Variants in STX7 observed in about 807,000 individuals in gnomAD.
STX7 encodes syntaxin-7.
STX7 carries 34 observed loss-of-function variants against 39.6 expected under a neutral mutation model. That is an observed-to-expected ratio of 0.86 (90% CI 0.65 to 1.14). The LOEUF is 1.14. STX7 is among the 50% of genes most tolerant of loss of function. The pLI, the probability that STX7 is intolerant of heterozygous loss-of-function variation, is 0.00. For synonymous variants in STX7, 119 were observed against 99.1 expected, an observed-to-expected ratio of 1.20 and a Z score of -1.19; for missense variants, 284 against 310.4, an observed-to-expected ratio of 0.92 and a Z score of 0.64.
intron 6 of STX7, among the ~76,000 whole-genome samples, 175 bp downstream of exon 6, chr6:132,470,399 T>C (rs1774684357): frequency 6.6e-6 from 1 of 152,092 alleles, no homozygotes; most frequent in Non-Finnish European, 1.5e-5. Flanking sequence ...TATTTTGTAA[T>C]AAATACTTTA....
chr6:132,460,714 C>A lies in STX7; in HGVS notation c.*44G>T. 1 of 1,364,490 alleles carries A rather than the reference C, an allele frequency of 7.3e-7. No homozygotes were observed. Among genetic ancestry groups the A allele is most frequent in the South Asian group, 1.3e-5 (1 of 79,376 alleles). The allele number at this position is 1,364,490 out of a possible 1,614,324, so 84.5% of individuals were successfully genotyped here. ...AAACATGATTACAGGAATCTTCCTACATAATTTAGACAATGTAGTGCGACA... is the reference window on the plus strand; with the variant it reads ...AAACATGATTACAGGAATCTTCCTAAATAATTTAGACAATGTAGTGCGACA... On this transcript the variant is annotated 3_prime_UTR_variant, in exon 10 of 10. Coordinates refer to ENST00000367941, the MANE Select transcript of STX7 (RefSeq NM_003569.3).
rs906428202 is a variant in STX7, at chr6:132,449,981, G to A, written c.*10777C>T. 2.6e-5 allele frequency: 4 copies of A among 152,102 alleles called. No homozygotes were observed. Among genetic ancestry groups the A allele is most frequent in the Non-Finnish European group, 4.4e-5 (3 of 68,010 alleles). The allele number at this position is 152,102 out of a possible 1,614,324, so 9.4% of individuals were successfully genotyped here. On this transcript the variant is annotated 3_prime_UTR_variant, in exon 10 of 10. Transcript: ENST00000367941. ...GTAACCACCAGAGTCCACTGACTTA[G>A]GACTACTTTAATGCTTTAAAGCATT...
chr6:132,472,275 T>C lies in STX7; in HGVS notation c.249+7A>G. 6.2e-7 allele frequency: 1 copy of C among 1,608,742 alleles called. No individual in the cohort carries two copies. ...ATACATCAACAATGTGTCTTAAAGCTTGATACCTGTTCACTGGGGGTGGTG... is the reference window on the plus strand; with the variant it reads ...ATACATCAACAATGTGTCTTAAAGCCTGATACCTGTTCACTGGGGGTGGTG... On this transcript the variant is annotated splice_region_variant and intron_variant, in intron 4 of 9. Transcript: ENST00000367941.
Position 132,464,089 on chromosome 6 carries a change from C to T in STX7, c.611-14G>A. ...CTTCTATGCTATCTGTAAAATAAAA[C>T]ACACACACACAAATGTGTTAAACAT... is the stretch of plus-strand genomic sequence containing the variant. On this transcript the variant is annotated splice_polypyrimidine_tract_variant and intron_variant, in intron 8 of 9. Coordinates refer to ENST00000367941, the MANE Select transcript of STX7 (RefSeq NM_003569.3). 2 of 1,586,172 alleles carry T rather than the reference C, an allele frequency of 1.3e-6. No individual in the cohort carries two copies. The highest frequency in any genetic ancestry group is 1.1e-5 in the South Asian group (1 of 89,386).
At chr6:132,468,514 A>G (rs1350622005) in intron 7 of STX7, 39 bp from the exon 8 acceptor site, 1 of 1,526,194 alleles carries the variant, frequency 6.6e-7, no homozygotes, top group Admixed American at 2.0e-5. Flanking sequence ...TCAGAAATTC[A>G]GTCCCCATTC....
intron 1 of STX7, among the ~76,000 whole-genome samples, chr6:132,508,596 G>A (rs1318053164): frequency 1.3e-5 from 2 of 152,150 alleles, no homozygotes; most frequent in African/African-American, 4.8e-5. Context: ...CTGCAGCCCT[G>A]ACTTCCAGGC....
chr6:132,470,860 A>T (rs1774701397), intron 5 of STX7, among the ~76,000 whole-genome samples: 1 of 152,198 alleles, frequency 6.6e-6, no homozygotes, highest in African/African-American at 2.4e-5. Context: ...AGTAGACAAG[A>T]AAGGAATTCA....
Position 132,473,571 on chromosome 6 carries a change from G to T in STX7, c.156-1196C>A, listed in dbSNP as rs1345926336. 4.1e-5 allele frequency among the ~76,000 whole-genome samples: 6 copies of T among 146,480 alleles called. No homozygotes were observed. In the Admixed American group the frequency reaches 4.1e-4, roughly 10 times the overall value. Reference sequence around the variant, plus strand: ...TGACCTGCAGTTGGTTGAATCTGGGGATATATAATCTATGGATACAGAGTG... The same window carrying T: ...TGACCTGCAGTTGGTTGAATCTGGGTATATATAATCTATGGATACAGAGTG... On this transcript the variant is annotated intron_variant, in intron 3 of 9. Coordinates refer to ENST00000367941, the MANE Select transcript of STX7 (RefSeq NM_003569.3).
chr6:132,476,216 T>C (rs1774870162), intron 2 of STX7, among the ~76,000 whole-genome samples: 1 of 152,158 alleles, frequency 6.6e-6, no homozygotes, highest in Non-Finnish European at 1.5e-5. Flanking sequence ...CTTTATCATA[T>C]ATAAATCTGT....
chr6:132,482,175 A>C (rs913289821), intron 2 of STX7, among the ~76,000 whole-genome samples: 1 of 152,234 alleles, frequency 6.6e-6, no homozygotes, highest in East Asian at 1.9e-4. Context: ...ATAAATGGAG[A>C]GTTAAGAAAG....
intron 9 of STX7, chr6:132,461,989 T>C: frequency 1.1e-6 from 1 of 885,792 alleles, no homozygotes; most frequent in Non-Finnish European, 1.7e-6. Flanking sequence ...TTCCACATAT[T>C]CATCTAATTT....
In STX7 at chr6:132,449,883, G is replaced by A. The variant is rs1053502780; in HGVS notation, c.*10875C>T. The A allele has an allele frequency of 2.9e-4, 44 of 152,230 alleles. No individual in the cohort carries two copies. Among genetic ancestry groups the A allele is most frequent in the African/African-American group, 1.0e-3 (43 of 41,526 alleles). 9.4% of individuals were successfully genotyped at this position (152,230 alleles called of 1,614,324 possible). On this transcript the variant is annotated 3_prime_UTR_variant, in exon 10 of 10. Coordinates refer to ENST00000367941, the MANE Select transcript of STX7 (RefSeq NM_003569.3). Reference sequence around the variant, plus strand: ...CTCAATGCAAATGGTGTGTTTCCTTGCATGTTTGATTAATCTAGAAGCATT... The same window carrying A: ...CTCAATGCAAATGGTGTGTTTCCTTACATGTTTGATTAATCTAGAAGCATT...
At position 132,475,744 on chromosome 6, in the gene STX7, A is replaced by G; in HGVS notation, c.86-82T>C. ...AGTTAAAAATTAATATGTACAAGCA[A>G]TTGGGCAGTTGAAAAGAGACAGAAA... On this transcript the variant is annotated intron_variant, in intron 2 of 9. Transcript: ENST00000367941. 3.6e-6 allele frequency: 3 copies of G among 826,018 alleles called. No homozygotes were observed. In the Admixed American group the frequency reaches 8.3e-5, roughly 23 times the overall value. 51.2% of individuals were successfully genotyped at this position (826,018 alleles called of 1,614,324 possible).
chr6:132,485,003 C>G (rs769570790), intron 2 of STX7, among the ~76,000 whole-genome samples: 1 of 152,104 alleles, frequency 6.6e-6, no homozygotes, highest in South Asian at 2.1e-4. Context: ...TTCTTATTAA[C>G]GTTTTTTATT....
chr6:132,461,862 T>C (rs1774414470), intron 9 of STX7: 1 of 1,540,438 alleles, frequency 6.5e-7, no homozygotes, highest in African/African-American at 1.4e-5. Context: ...ATCCTTTTTC[T>C]TACAAAGTAG....
At chr6:132,475,044 G>A (rs74573243) in intron 3 of STX7, among the ~76,000 whole-genome samples, 4,387 of 151,868 alleles carry the variant, frequency 0.029, 196 homozygotes, top group African/African-American at 0.098. Context: ...TTTTTCAACA[G>A]CTGTCAAAAA....
Position 132,453,343 on chromosome 6 carries a change from A to G in STX7, c.*7415T>C, listed in dbSNP as rs1157960834. On this transcript the variant is annotated 3_prime_UTR_variant, in exon 10 of 10. Coordinates refer to ENST00000367941, the MANE Select transcript of STX7 (RefSeq NM_003569.3). ...GAAAATTTGGGGGATCTAAGGAGAG[A>G]GGCAAAGTTCTTGATACCAGAAGCA... 1 of 152,084 alleles carries G rather than the reference A, an allele frequency of 6.6e-6. No individual in the cohort carries two copies. The highest frequency in any genetic ancestry group is 1.5e-5 in the Non-Finnish European group (1 of 67,964). The allele number at this position is 152,084 out of a possible 1,614,324, so 9.4% of individuals were successfully genotyped here. A position where few individuals can be genotyped will look rare whatever the true frequency, so the allele number is the denominator to read the frequency against.
intron 2 of STX7, among the ~76,000 whole-genome samples, chr6:132,480,354 C>T (rs764110058): frequency 2.6e-5 from 4 of 152,166 alleles, no homozygotes; most frequent in Non-Finnish European, 5.9e-5. Flanking sequence ...AAAGAACCAC[C>T]ACTCCATGGT....
intron 2 of STX7, among the ~76,000 whole-genome samples, chr6:132,498,089 G>A (rs892179547): frequency 3.9e-5 from 6 of 152,192 alleles, no homozygotes; most frequent in African/African-American, 1.4e-4. Context: ...TGGAGCATGG[G>A]TGGCACAAGG....
Sources: gnomAD v4.1 joint callset for allele counts (sites outside exome capture counted in the v4.1 genomes callset) on GRCh38, gnomAD v4.1.1 for gene constraint, MANE v1.5 for transcripts, NCBI Gene and HGNC (gene_info 2026-07-23, HGNC 2026-07-21) for gene names.